Variants in MACROH2A1 observed in about 807,000 individuals in gnomAD.
MACROH2A1 encodes macroH2A.1 histone.
In MACROH2A1, 2 loss-of-function variants were observed where a neutral mutation model predicts 31.6. That is an observed-to-expected ratio of 0.06 (90% CI 0.03 to 0.20). The LOEUF (loss-of-function observed/expected upper bound fraction) is 0.20, where lower values mean the gene tolerates loss of function less well. Among genes scored for constraint, MACROH2A1 ranks in the 10% least tolerant of loss-of-function variants. The pLI is 1.00. For synonymous variants in MACROH2A1, 169 were observed against 189.6 expected (o/e 0.89, Z 0.89); for missense variants, 230 against 474.0 (o/e 0.49, Z 4.78).
chr5:135,371,168 T>C (rs1388257756), intron 2 of MACROH2A1, among the ~76,000 whole-genome samples: 1 of 152,142 alleles, frequency 6.6e-6, no homozygotes, highest in Non-Finnish European at 1.5e-5. Flanking sequence ...AGGACAAATA[T>C]AGCATGAATT....
chr5:135,369,695 G>C lies in MACROH2A1; in HGVS notation c.280-92C>G. ...CCCTGCCCAGGACAGTCTTGCTTTG[G>C]GTTGGTGCAGCTCCTTCCTCCATGG... is the stretch of plus-strand genomic sequence containing the variant. On this transcript the variant is annotated intron_variant, in intron 3 of 8. Transcript: ENST00000511689. This position sits in a 1 kb window ranked among gnomAD's most constrained non-coding sequence, Gnocchi z 4.3. 5.9e-6 allele frequency: 6 copies of C among 1,009,184 alleles called. No individual in the cohort carries two copies. In the South Asian group the frequency reaches 8.3e-5, roughly 14 times the overall value. 62.5% of individuals were successfully genotyped at this position (1,009,184 alleles called of 1,614,324 possible).
chr5:135,396,928 G>A (rs557380026), intron 1 of MACROH2A1, among the ~76,000 whole-genome samples: 3 of 152,168 alleles, frequency 2.0e-5, no homozygotes, highest in African/African-American at 4.8e-5. Context: ...CTGAGGCAGG[G>A]CCCAAAAGAC....
intron 2 of MACROH2A1, among the ~76,000 whole-genome samples, chr5:135,380,715 C>T (rs1181075852): frequency 6.6e-6 from 1 of 152,130 alleles, no homozygotes; most frequent in Non-Finnish European, 1.5e-5. Context: ...AATAAGACAG[C>T]CTCTGCATAC....
At chr5:135,344,850 C>A (rs2149742175) in intron 7 of MACROH2A1, 1 of 152,318 alleles carries the variant, frequency 6.6e-6, no homozygotes, top group East Asian at 1.9e-4. Context: ...GTTTCCCCAG[C>A]AGAGTTTGGT....
intron 2 of MACROH2A1, among the ~76,000 whole-genome samples, chr5:135,388,493 G>A (rs918204374): frequency 6.6e-6 from 1 of 152,196 alleles, no homozygotes; most frequent in African/African-American, 2.4e-5. Context: ...AAGTATCAAT[G>A]TCATGGAAGA....
chr5:135,337,196 AGTTGTCAG>A (rs1758879916), intron 8 of MACROH2A1, among the ~76,000 whole-genome samples: 1 of 152,268 alleles, frequency 6.6e-6, no homozygotes, highest in African/African-American at 2.4e-5. Context: ...TGCAAACAGC[AGTTGTCAG>A]GTGGCCCGAT....
chr5:135,364,402 G>GTA (rs1763234101), intron 4 of MACROH2A1, among the ~76,000 whole-genome samples: 1 of 152,058 alleles, frequency 6.6e-6, no homozygotes, highest in Admixed American at 6.5e-5. Context: ...TTGTGCACAT[G>GTA]TACCCTAGAA....
intron 2 of MACROH2A1, among the ~76,000 whole-genome samples, chr5:135,387,346 C>A (rs190411904): frequency 1.4e-4 from 21 of 152,348 alleles, no homozygotes; most frequent in African/African-American, 4.3e-4. Context: ...TATTACTTTT[C>A]ATGCCCAGAT....
At chr5:135,364,017 G>A (rs1763177996) in intron 4 of MACROH2A1, among the ~76,000 whole-genome samples, 1 of 152,024 alleles carries the variant, frequency 6.6e-6, no homozygotes, top group Non-Finnish European at 1.5e-5. Context: ...TTTTTGATGG[G>A]GTTGATTTTT....
intron 1 of MACROH2A1, among the ~76,000 whole-genome samples, chr5:135,390,187 TCTCACACTTGC>T (rs1232310466): frequency 4.6e-5 from 7 of 152,178 alleles, no homozygotes; most frequent in Non-Finnish European, 1.0e-4. Flanking sequence ...CTCCATTATC[TCTCACACTTGC>T]CTCTGCCTTC....
chr5:135,339,810 T>C (rs376877391), intron 8 of MACROH2A1, among the ~76,000 whole-genome samples: 2 of 152,112 alleles, frequency 1.3e-5, no homozygotes. Flanking sequence ...TCAGAAGCGA[T>C]GGTGATGGGG....
chr5:135,359,067 C>T (rs1762522488), intron 5 of MACROH2A1: 2 of 985,400 alleles, frequency 2.0e-6, no homozygotes, highest in Non-Finnish European at 2.4e-6. Context: ...GCCATATTTG[C>T]TGCTACTTTG....
intron 8 of MACROH2A1, chr5:135,337,919 CCT>C: frequency 9.1e-7 from 1 of 1,104,856 alleles, no homozygotes; most frequent in Non-Finnish European, 1.1e-6. Flanking sequence ...CAAATCCATC[CCT>C]CTGTCCTAGG....
chr5:135,390,789 C>T (rs1451258751), intron 1 of MACROH2A1, among the ~76,000 whole-genome samples: 1 of 152,200 alleles, frequency 6.6e-6, no homozygotes, highest in South Asian at 2.1e-4. Flanking sequence ...ACGGTCCACA[C>T]TTAACACCTC....
chr5:135,373,281 A>G (rs1337524753), intron 2 of MACROH2A1, among the ~76,000 whole-genome samples: 1 of 151,854 alleles, frequency 6.6e-6, no homozygotes, highest in East Asian at 1.9e-4. Flanking sequence ...AGGAAAAATG[A>G]GAATGATGGA....
At chr5:135,354,461 T>C (rs1057357569) in intron 5 of MACROH2A1, 1 of 152,042 alleles carries the variant, frequency 6.6e-6, no homozygotes, top group Non-Finnish European at 1.5e-5. Context: ...GGACTTCATT[T>C]TTGGTTAAAG....
At chr5:135,337,954 C>A (rs1276971786) in intron 8 of MACROH2A1, 4 of 1,201,588 alleles carry the variant, frequency 3.3e-6, no homozygotes, top group South Asian at 1.5e-5. Flanking sequence ...AAGGAAGAAA[C>A]CCTGCTATGG....
chr5:135,349,070 A>C (rs949183894), intron 6 of MACROH2A1, among the ~76,000 whole-genome samples: 2 of 151,902 alleles, frequency 1.3e-5, no homozygotes, highest in African/African-American at 4.8e-5. Flanking sequence ...CAAAGCTGCA[A>C]CTCTGCCTCC....
At chr5:135,342,929 G>A (rs869956) in intron 8 of MACROH2A1, among the ~76,000 whole-genome samples, 29,405 of 152,030 alleles carry the variant, frequency 0.19, 6,302 homozygotes, top group African/African-American at 0.53. Flanking sequence ...CTGTATTCAC[G>A]CCTCCAGATC....
Sources: allele counts gnomAD v4.1 joint callset (sites outside exome capture counted in the v4.1 genomes callset), GRCh38; gene constraint gnomAD v4.1.1; non-coding constraint Gnocchi (gnomAD v3.1); transcripts MANE v1.5; gene names NCBI Gene and HGNC (gene_info 2026-07-23, HGNC 2026-07-21).